Variants in CDK19 observed in about 807,000 individuals in gnomAD.
CDK19 encodes cyclin dependent kinase 19.
Under a neutral mutation model 68.3 loss-of-function variants are expected in CDK19, and 20 were observed. That is an observed-to-expected ratio of 0.29 (90% CI 0.21 to 0.43). The LOEUF (loss-of-function observed/expected upper bound fraction) is 0.43, where lower values mean the gene tolerates loss of function less well. Among genes scored for constraint, CDK19 ranks in the 20% least tolerant of loss-of-function variants. The pLI is 1.00. For synonymous variants in CDK19, 221 were observed against 222.8 expected, an observed-to-expected ratio of 0.99 and a Z score of 0.07; for missense variants, 339 against 623.5, an observed-to-expected ratio of 0.54 and a Z score of 4.86.
chr6:110,702,617 A>G (rs539748706), intron 2 of CDK19, among the ~76,000 whole-genome samples: 2 of 152,148 alleles, frequency 1.3e-5, no homozygotes, highest in African/African-American at 4.8e-5. Context: ...ACAGAGAAAG[A>G]CTCTGACCAA....
chr6:110,653,854 T>C (rs1272411341), intron 4 of CDK19, among the ~76,000 whole-genome samples: 3 of 152,174 alleles, frequency 2.0e-5, no homozygotes, highest in African/African-American at 7.2e-5. Context: ...TTTCACAGGG[T>C]TAAATATATT....
intron 4 of CDK19, among the ~76,000 whole-genome samples, chr6:110,659,949 T>C (rs1781517780): frequency 6.6e-6 from 1 of 152,198 alleles, no homozygotes; most frequent in Non-Finnish European, 1.5e-5. Flanking sequence ...CTTCATTGCA[T>C]TTCCACTAAA....
chr6:110,656,526 G>A (rs1490110366), intron 4 of CDK19, among the ~76,000 whole-genome samples: 1 of 152,128 alleles, frequency 6.6e-6, no homozygotes, highest in Non-Finnish European at 1.5e-5. Context: ...ACAACTATAT[G>A]TAGGCTATCT....
chr6:110,627,180 T>C, intron 6 of CDK19, 35 bp from the exon 7 acceptor site: 1 of 1,531,282 alleles, frequency 6.5e-7, no homozygotes, highest in Non-Finnish European at 8.9e-7. Context: ...TTGTATATAT[T>C]TCCTTGGTTA....
chr6:110,654,394 T>G (rs1781167309), intron 4 of CDK19, among the ~76,000 whole-genome samples: 1 of 152,242 alleles, frequency 6.6e-6, no homozygotes, highest in Admixed American at 6.5e-5. Context: ...AACAACTTCA[T>G]TGATTAGATA....
At chr6:110,814,280 G>T (rs1424112109) in intron 1 of CDK19, among the ~76,000 whole-genome samples, 1 of 152,234 alleles carries the variant, frequency 6.6e-6, no homozygotes, top group Non-Finnish European at 1.5e-5. Flanking sequence ...GTAAAGGGTG[G>T]GTAGCAGAGA....
At chr6:110,777,474 AAAAAT>A (rs201848615) in intron 1 of CDK19, among the ~76,000 whole-genome samples, 254 of 152,306 alleles carry the variant, frequency 1.7e-3, no homozygotes, top group East Asian at 9.1e-3. Context: ...GGAAAAACTA[AAAAAT>A]AAAATAAAAT....
At chr6:110,654,864 C>A (rs1270577712) in intron 4 of CDK19, among the ~76,000 whole-genome samples, 1 of 151,534 alleles carries the variant, frequency 6.6e-6, no homozygotes, top group African/African-American at 2.4e-5. Flanking sequence ...TCACTTGAAC[C>A]CGGGAGGTGG....
chr6:110,811,247 A>G (rs913235982), intron 1 of CDK19, among the ~76,000 whole-genome samples: 1 of 152,252 alleles, frequency 6.6e-6, no homozygotes, highest in African/African-American at 2.4e-5. Context: ...TGAAAAACCC[A>G]TCAAACACAG....
intron 2 of CDK19, among the ~76,000 whole-genome samples, chr6:110,741,484 T>TA (rs943272855): frequency 2.1e-4 from 29 of 139,444 alleles, no homozygotes; most frequent in Admixed American, 6.4e-4. Flanking sequence ...TAAAATAAAT[T>TA]AAAAAAAAAA....
chr6:110,669,525 A>G (rs1353190004), intron 3 of CDK19, among the ~76,000 whole-genome samples: 1 of 152,156 alleles, frequency 6.6e-6, no homozygotes, highest in Non-Finnish European at 1.5e-5. Context: ...TCATGCCTAT[A>G]ATCTCAACAG....
chr6:110,751,266 T>C (rs1255388121), intron 1 of CDK19, among the ~76,000 whole-genome samples: 2 of 152,180 alleles, frequency 1.3e-5, no homozygotes, highest in Non-Finnish European at 2.9e-5. Flanking sequence ...CAATGCTTCA[T>C]CTGTATTTAC....
At chr6:110,784,921 T>C (rs915036178) in intron 1 of CDK19, among the ~76,000 whole-genome samples, 4 of 151,988 alleles carry the variant, frequency 2.6e-5, no homozygotes, top group African/African-American at 4.8e-5. Context: ...AACAAATCCA[T>C]AGACAAGCCA....
chr6:110,779,725 G>A (rs991113623), intron 1 of CDK19, among the ~76,000 whole-genome samples: 9 of 152,032 alleles, frequency 5.9e-5, no homozygotes, highest in Non-Finnish European at 1.3e-4. Context: ...AGGCCAGCCT[G>A]GGCAAAACAG....
At chr6:110,628,215 AAAAC>A (rs887049846) in intron 6 of CDK19, among the ~76,000 whole-genome samples, 1 of 152,178 alleles carries the variant, frequency 6.6e-6, no homozygotes, top group Non-Finnish European at 1.5e-5. Context: ...CATCTTGGAA[AAAAC>A]AAACAAAAAA....
chr6:110,617,419 G>C lies in CDK19; in HGVS notation c.1378-2753C>G, dbSNP rs558521716. On this transcript the variant is annotated intron_variant, in intron 12 of 12. Transcript: ENST00000368911. ...TTTCCCCCTCAGTCTATTAGCATCAGATCATACCCCTTCTGTCCAATCATG... is the reference window on the plus strand; with the variant it reads ...TTTCCCCCTCAGTCTATTAGCATCACATCATACCCCTTCTGTCCAATCATG... Among the ~76,000 whole-genome samples, 263 of 152,048 alleles carry C rather than the reference G, an allele frequency of 1.7e-3. 3 individuals carry two copies. The highest frequency in any genetic ancestry group is 5.8e-3 in the African/African-American group (242 of 41,458).
intron 4 of CDK19, among the ~76,000 whole-genome samples, chr6:110,658,639 T>A (rs900766715): frequency 8.5e-5 from 13 of 152,176 alleles, no homozygotes; most frequent in African/African-American, 2.7e-4. Context: ...CTTCCATATT[T>A]TAAATATGAA....
At chr6:110,760,191 T>C (rs949654563) in intron 1 of CDK19, among the ~76,000 whole-genome samples, 2 of 151,914 alleles carry the variant, frequency 1.3e-5, no homozygotes, top group South Asian at 4.2e-4. Context: ...AGGCCAGAAA[T>C]TCGAGACTAG....
At chr6:110,647,090 C>T (rs1780647651) in intron 4 of CDK19, among the ~76,000 whole-genome samples, 1 of 152,056 alleles carries the variant, frequency 6.6e-6, no homozygotes, top group Non-Finnish European at 1.5e-5. Flanking sequence ...TCCTGCCTCC[C>T]GACCCCTGCA....
Sources: gnomAD v4.1 joint callset for allele counts (sites outside exome capture counted in the v4.1 genomes callset) on GRCh38, gnomAD v4.1.1 for gene constraint, MANE v1.5 for transcripts, NCBI Gene and HGNC (gene_info 2026-07-23, HGNC 2026-07-21) for gene names.